PDLIM2: variants seen among roughly 807,000 people sequenced by gnomAD.
PDLIM2 encodes PDZ and LIM domain protein 2.
A neutral mutation model predicts 54.1 loss-of-function variants in PDLIM2; 51 were observed. That is an observed-to-expected ratio of 0.94 (90% CI 0.75 to 1.19). The LOEUF (loss-of-function observed/expected upper bound fraction) is 1.19, where lower values mean the gene tolerates loss of function less well. PDLIM2 is among the 50% of genes most tolerant of loss of function. The probability of loss-of-function intolerance (pLI) is 0.00; values close to 1 mark genes in which losing one functional copy is unlikely to be tolerated. For synonymous variants in PDLIM2, 398 were observed against 385.6 expected (o/e 1.03, Z -0.38); for missense variants, 912 against 874.0 (o/e 1.04, Z -0.55).
chr8:22,588,795 T>C (rs1586926008), intron 6 of PDLIM2: 1 of 177,866 alleles, frequency 5.6e-6, no homozygotes, highest in African/African-American at 2.4e-5. Flanking sequence ...CCAGCTCTCC[T>C]TGGGAAGAGG....
chr8:22,578,788 C>G, exon 1 of PDLIM2: 5 of 1,234,232 alleles, frequency 4.1e-6, no homozygotes, highest in Non-Finnish European at 5.1e-6. Context: ...GGATGCGGGG[C>G]GGGAGAGCGC....
At chr8:22,582,505 C>G (rs777158924) in intron 3 of PDLIM2, among the ~76,000 whole-genome samples, 34 of 151,286 alleles carry the variant, frequency 2.2e-4, no homozygotes, top group Admixed American at 2.0e-4. Context: ...GACCAGGGCT[C>G]GGGGGAGGTA....
chr8:22,593,380 C>G (rs974750614), intron 9 of PDLIM2: 1 of 199,172 alleles, frequency 5.0e-6, no homozygotes, highest in African/African-American at 2.3e-5. Flanking sequence ...AGGGCAAGAC[C>G]GTCCTGGCTA....
chr8:22,585,534 G>C, intron 6 of PDLIM2, 135 bp downstream of exon 5: 1 of 860,192 alleles, frequency 1.2e-6, no homozygotes, highest in Non-Finnish European at 1.8e-6. Flanking sequence ...CCACAGGCAT[G>C]CTCTGCTCCT....
At chr8:22,583,273 C>T (rs956817669) in intron 3 of PDLIM2, among the ~76,000 whole-genome samples, 1 of 152,020 alleles carries the variant, frequency 6.6e-6, no homozygotes, top group Non-Finnish European at 1.5e-5. Flanking sequence ...AGGAGGCAGG[C>T]GGGTCTCGCC....
chr8:22,581,931 G>A (rs955818099), intron 3 of PDLIM2, among the ~76,000 whole-genome samples: 1 of 152,270 alleles, frequency 6.6e-6, no homozygotes, highest in Admixed American at 6.5e-5. Context: ...TTCCAACAGG[G>A]CATGGCCTTT....
exon 10 of PDLIM2, chr8:22,593,936 A>C (rs1800625585): frequency 6.5e-7 from 1 of 1,544,240 alleles, no homozygotes; most frequent in African/African-American, 1.4e-5. Flanking sequence ...AGCCTGCCTC[A>C]CTGCTGGGCC....
intron 8 of PDLIM2, chr8:22,590,516 C>T (rs558930926): frequency 6.6e-6 from 1 of 152,330 alleles, no homozygotes; most frequent in African/African-American, 2.4e-5. Flanking sequence ...GTTACTACTC[C>T]CACAGCCCCT....
At chr8:22,587,158 A>G (rs1400234885) in intron 6 of PDLIM2, among the ~76,000 whole-genome samples, 1 of 152,126 alleles carries the variant, frequency 6.6e-6, no homozygotes, top group Non-Finnish European at 1.5e-5. Context: ...CTCTGACCCT[A>G]TGGAGCTGAC....
chr8:22,579,957 G>A (rs996124895), intron 1 of PDLIM2, among the ~76,000 whole-genome samples: 1 of 152,184 alleles, frequency 6.6e-6, no homozygotes, highest in Non-Finnish European at 1.5e-5. Context: ...GGCCCCTGGG[G>A]GAGGTGGGGA....
intron 6 of PDLIM2, among the ~76,000 whole-genome samples, chr8:22,587,447 T>C (rs1235272127): frequency 6.6e-6 from 1 of 152,178 alleles, no homozygotes; most frequent in Non-Finnish European, 1.5e-5. Context: ...AATTTTTCTT[T>C]ATATCCTAAA....
At chr8:22,594,866 C>T, downstream of PDLIM2, 1 of 577,552 alleles carries the variant, frequency 1.7e-6, no homozygotes, top group Non-Finnish European at 2.9e-6. Flanking sequence ...GCCGAGGCTG[C>T]CTTAAGCTGT....
chr8:22,595,373 G>A (rs1800664637), downstream of PDLIM2: 2 of 152,240 alleles, frequency 1.3e-5, no homozygotes, highest in Admixed American at 6.5e-5. Context: ...GGTCAGAAAC[G>A]GGGTAGTCTC....
exon 1 of PDLIM2, chr8:22,578,866 C>T: frequency 8.1e-7 from 1 of 1,235,450 alleles, no homozygotes; most frequent in Non-Finnish European, 1.0e-6. Flanking sequence ...CGGGGCAGTC[C>T]CTGGACCGGC....
chr8:22,587,703 T>C (rs1489778594), intron 6 of PDLIM2: 4 of 152,216 alleles, frequency 2.6e-5, no homozygotes, highest in Admixed American at 6.5e-5. Flanking sequence ...GAGAAAGACA[T>C]TGTCTCTCCC....
intron 1 of PDLIM2, chr8:22,579,603 C>T (rs1800132406): frequency 1.5e-6 from 2 of 1,361,202 alleles, no homozygotes; most frequent in South Asian, 3.3e-5. Flanking sequence ...AGAGGCTAGG[C>T]CTGGGCCCAA....
chr8:22,580,235 G>A (rs1463532492), intron 1 of PDLIM2: 2 of 346,128 alleles, frequency 5.8e-6, no homozygotes, highest in Non-Finnish European at 1.1e-5. Context: ...GTGGGACTGA[G>A]CCCTGATGGT....
intron 1 of PDLIM2, 105 bp from the exon 1 acceptor site, chr8:22,580,370 G>T: frequency 9.2e-7 from 1 of 1,081,818 alleles, no homozygotes; most frequent in Non-Finnish European, 1.3e-6. Flanking sequence ...TCCCTGGGCT[G>T]AAGACTAAGG....
chr8:22,592,307 C>G (rs1405336329), intron 9 of PDLIM2: 1 of 152,114 alleles, frequency 6.6e-6, no homozygotes, highest in African/African-American at 2.4e-5. Context: ...GTCTCAAACT[C>G]TTGACCTTAG....
Sources: allele counts gnomAD v4.1 joint callset (sites outside exome capture counted in the v4.1 genomes callset), GRCh38; gene constraint gnomAD v4.1.1; transcripts MANE v1.5; gene names NCBI Gene and HGNC (gene_info 2026-07-23, HGNC 2026-07-21).